PTPRD: variants seen among roughly 807,000 people sequenced by gnomAD.
PTPRD encodes receptor-type tyrosine-protein phosphatase delta.
PTPRD carries 34 observed loss-of-function variants against 214.5 expected under a neutral mutation model. The ratio of observed to expected loss-of-function variants is 0.16; its 90% CI spans 0.12 to 0.21. The LOEUF (loss-of-function observed/expected upper bound fraction) is 0.21. PTPRD is among the 10% of genes least tolerant of loss of function. PTPRD has a pLI of 1.00. For missense variants in PTPRD, 2,545 were observed against 2,398.7 expected (o/e 1.06, Z -1.27); for synonymous variants, 1,128 against 845.7 (o/e 1.33, Z -5.79).
At chr9:9,421,541 C>G (rs1408982028) in intron 8 of PTPRD, among the ~76,000 whole-genome samples, 2 of 151,962 alleles carry the variant, frequency 1.3e-5, no homozygotes, top group African/African-American at 4.8e-5. Context: ...TTTTCTTATT[C>G]TTTGTTCTGG....
intron 9 of PTPRD, among the ~76,000 whole-genome samples, chr9:9,393,903 A>C (rs2066786789): frequency 6.6e-6 from 1 of 152,142 alleles, no homozygotes; most frequent in South Asian, 2.1e-4. Context: ...AAATATCATA[A>C]CTATTAGCAC....
At chr9:10,276,028 T>C (rs953298263) in intron 3 of PTPRD, among the ~76,000 whole-genome samples, 1 of 152,204 alleles carries the variant, frequency 6.6e-6, no homozygotes, top group African/African-American at 2.4e-5. Context: ...CCCTTTCAGT[T>C]GGACCTTAGT....
chr9:9,846,371 G>A (rs2059532684), intron 5 of PTPRD, among the ~76,000 whole-genome samples: 2 of 152,046 alleles, frequency 1.3e-5, no homozygotes, highest in African/African-American at 2.4e-5. Flanking sequence ...TCAGACTTGT[G>A]ACAAGTAAGC....
intron 9 of PTPRD, among the ~76,000 whole-genome samples, chr9:9,274,730 A>G (rs1944301256): frequency 6.6e-6 from 1 of 151,048 alleles, no homozygotes; most frequent in Admixed American, 6.6e-5. Context: ...GTCTTAAAAT[A>G]CATATTCCTG....
chr9:8,623,211 T>G (rs1385999280), intron 14 of PTPRD, among the ~76,000 whole-genome samples: 1 of 151,916 alleles, frequency 6.6e-6, no homozygotes, highest in Non-Finnish European at 1.5e-5. Context: ...TACTGCCATG[T>G]GTACAGTCTA....
rs577477842 is a variant in PTPRD at position 9,209,059 on chromosome 9, T to C, written c.-202-25696A>G. Among the ~76,000 whole-genome samples, 19 of 152,048 alleles carry C rather than the reference T, an allele frequency of 1.2e-4. No homozygotes were observed. The East Asian group carries it at 2.1e-3, about 17-fold the overall frequency. ...TCCTGACCTCGTGATCGGCCCGCCT[T>C]GGCCTCCCAAAGTGCTGGAATTACA... On this transcript the variant is annotated intron_variant, in intron 9 of 45. Coordinates refer to ENST00000381196, the MANE Select transcript of PTPRD (RefSeq NM_002839.4).
chr9:10,473,738 T>C (rs1372774505), intron 2 of PTPRD, among the ~76,000 whole-genome samples: 1 of 152,084 alleles, frequency 6.6e-6, no homozygotes, highest in Non-Finnish European at 1.5e-5. Flanking sequence ...TTTGAAAAGC[T>C]TAAAGAGACA....
At chr9:8,968,991 A>T (rs2099218519) in intron 11 of PTPRD, among the ~76,000 whole-genome samples, 1 of 152,106 alleles carries the variant, frequency 6.6e-6, no homozygotes, top group Non-Finnish European at 1.5e-5. Flanking sequence ...TTATAATTAG[A>T]TTATTAAGCA....
chr9:8,707,595 G>A (rs116717253), intron 12 of PTPRD, among the ~76,000 whole-genome samples: 2 of 152,196 alleles, frequency 1.3e-5, no homozygotes, highest in African/African-American at 2.4e-5. Context: ...CAGTTAGGGA[G>A]GTGAGTAGTC....
intron 14 of PTPRD, among the ~76,000 whole-genome samples, chr9:8,580,114 G>A (rs773614893): frequency 1.3e-5 from 2 of 152,148 alleles, no homozygotes; most frequent in East Asian, 3.9e-4. Context: ...TCATGATAAT[G>A]TCAGGTATTA....
intron 25 of PTPRD, among the ~76,000 whole-genome samples, chr9:8,499,423 T>G (rs1057456770): frequency 6.6e-6 from 1 of 152,192 alleles, no homozygotes; most frequent in Non-Finnish European, 1.5e-5. Flanking sequence ...AAGGAAAAAG[T>G]AACATGTTTT....
intron 21 of PTPRD, among the ~76,000 whole-genome samples, chr9:8,513,453 C>G (rs946170083): frequency 2.6e-5 from 4 of 151,970 alleles, no homozygotes; most frequent in African/African-American, 9.7e-5. Flanking sequence ...CAAACAAAAA[C>G]AGGAATGTGA....
chr9:10,069,331 C>G (rs169730), intron 3 of PTPRD, among the ~76,000 whole-genome samples: 144,978 of 152,032 alleles, frequency 0.95, 69,193 homozygotes, highest in East Asian at 1. Context: ...TGTGATACTC[C>G]ATTACAGTTC....
intron 4 of PTPRD, among the ~76,000 whole-genome samples, chr9:10,005,104 T>A (rs1314481146): frequency 6.6e-6 from 1 of 152,278 alleles, no homozygotes; most frequent in South Asian, 2.1e-4. Flanking sequence ...TATAAGATTT[T>A]TTTTTGTCTT....
intron 4 of PTPRD, among the ~76,000 whole-genome samples, chr9:9,998,040 T>G (rs890484546): frequency 6.6e-6 from 1 of 150,802 alleles, no homozygotes; most frequent in African/African-American, 2.5e-5. Flanking sequence ...ACCACTTTTC[T>G]GCCCCACACA....
intron 6 of PTPRD, among the ~76,000 whole-genome samples, chr9:9,743,560 T>C (rs1360997959): frequency 6.6e-6 from 1 of 151,962 alleles, no homozygotes; most frequent in Non-Finnish European, 1.5e-5. Flanking sequence ...ATTTCTCTGG[T>C]ACCATAAATC....
intron 2 of PTPRD, among the ~76,000 whole-genome samples, chr9:10,475,876 A>C (rs539437602): frequency 6.6e-6 from 1 of 150,440 alleles, no homozygotes; most frequent in East Asian, 2.1e-4. Context: ...AATGACAAAA[A>C]AAAACATATG....
At chr9:9,260,052 A>T (rs1403712750) in intron 9 of PTPRD, among the ~76,000 whole-genome samples, 1 of 151,908 alleles carries the variant, frequency 6.6e-6, no homozygotes, top group Non-Finnish European at 1.5e-5. Context: ...AATGCCAGAA[A>T]AGTCTGTGGG....
intron 2 of PTPRD, among the ~76,000 whole-genome samples, chr9:10,589,086 GAATGTT>G (rs2074723214): frequency 6.6e-6 from 1 of 151,984 alleles, no homozygotes; most frequent in Admixed American, 6.6e-5. Flanking sequence ...CTCATGTATA[GAATGTT>G]ACCTAAACTC....
Sources: allele counts gnomAD v4.1 joint callset (sites outside exome capture counted in the v4.1 genomes callset), GRCh38; gene constraint gnomAD v4.1.1; transcripts MANE v1.5; gene names NCBI Gene and HGNC (gene_info 2026-07-23, HGNC 2026-07-21).